DLG2: variants seen among roughly 807,000 people sequenced by gnomAD.
DLG2 encodes discs large MAGUK scaffold protein 2, also known as disks large homolog 2.
DLG2 carries 45 observed loss-of-function variants against 132.5 expected under a neutral mutation model. That is an observed-to-expected ratio of 0.34 (90% CI 0.27 to 0.44). DLG2 has a LOEUF of 0.44. Ranked by LOEUF, DLG2 falls within the 20% of genes least tolerant of loss-of-function variation. The pLI, the probability that DLG2 is intolerant of heterozygous loss-of-function variation, is 1.00. For missense variants in DLG2, 1,045 were observed against 1,196.9 expected (o/e 0.87, Z 1.87); for synonymous variants, 424 against 419.6 (o/e 1.01, Z -0.13).
At chr11:85,554,913 G>A (rs2076851971) in intron 3 of DLG2, among the ~76,000 whole-genome samples, 1 of 151,518 alleles carries the variant, frequency 6.6e-6, no homozygotes, top group South Asian at 2.1e-4. Flanking sequence ...CCCAGAGGCT[G>A]ACAGTGCACA....
intron 18 of DLG2, among the ~76,000 whole-genome samples, chr11:83,718,004 C>T (rs1280827986): frequency 6.6e-6 from 1 of 152,194 alleles, no homozygotes; most frequent in Non-Finnish European, 1.5e-5. Flanking sequence ...GGAGTAAAGA[C>T]GGCTTTACCT....
At chr11:83,875,461 T>C (rs11233771) in intron 15 of DLG2, among the ~76,000 whole-genome samples, 1 of 151,928 alleles carries the variant, frequency 6.6e-6, no homozygotes, top group Non-Finnish European at 1.5e-5. Context: ...GAAATGGCAT[T>C]GAGACTGTTT....
At chr11:84,709,288 C>T (rs1320418779) in intron 6 of DLG2, among the ~76,000 whole-genome samples, 1 of 151,862 alleles carries the variant, frequency 6.6e-6, no homozygotes, top group African/African-American at 2.4e-5. Context: ...TAACTCTTTT[C>T]TTTCTCACTC....
intron 3 of DLG2, among the ~76,000 whole-genome samples, chr11:85,354,853 TAGAAC>T (rs2083571167): frequency 6.6e-6 from 1 of 151,842 alleles, no homozygotes; most frequent in African/African-American, 2.4e-5. Flanking sequence ...ACATATATCT[TAGAAC>T]AGAGGAACAG....
chr11:85,256,665 G>A (rs530460977), intron 4 of DLG2, among the ~76,000 whole-genome samples: 1 of 152,180 alleles, frequency 6.6e-6, no homozygotes, highest in African/African-American at 2.4e-5. Flanking sequence ...CTCCTGTAAG[G>A]GGGTTTGAGC....
upstream of DLG2, among the ~76,000 whole-genome samples, chr11:85,628,231 T>A (rs752867951): frequency 2.0e-5 from 3 of 151,976 alleles, no homozygotes; most frequent in Non-Finnish European, 4.4e-5. Flanking sequence ...CCTCAAGGAC[T>A]GAAAGGGGCA....
intron 6 of DLG2, among the ~76,000 whole-genome samples, chr11:85,069,964 T>C (rs2065557476): frequency 6.6e-6 from 1 of 152,020 alleles, no homozygotes; most frequent in African/African-American, 2.4e-5. Flanking sequence ...CATGGAATAC[T>C]ATGCAGCCAT....
At chr11:83,793,289 A>G (rs1408589250) in intron 17 of DLG2, among the ~76,000 whole-genome samples, 1 of 152,162 alleles carries the variant, frequency 6.6e-6, no homozygotes, top group Non-Finnish European at 1.5e-5. Context: ...TTAAACATTT[A>G]GTGAAGTCTT....
chr11:83,925,156 G>A (rs1055716847), intron 15 of DLG2, among the ~76,000 whole-genome samples: 9 of 152,028 alleles, frequency 5.9e-5, no homozygotes, highest in East Asian at 1.9e-4. Flanking sequence ...ACAGAGTAGC[G>A]TTTCAGATAC....
At chr11:85,540,118 G>A (rs901630916) in intron 3 of DLG2, among the ~76,000 whole-genome samples, 3 of 152,186 alleles carry the variant, frequency 2.0e-5, no homozygotes, top group Admixed American at 2.0e-4. Flanking sequence ...GGGGGGTGGT[G>A]CAGGAAGGGA....
chr11:83,804,910 C>A (rs75106190), intron 17 of DLG2, among the ~76,000 whole-genome samples: 55 of 152,146 alleles, frequency 3.6e-4, no homozygotes, highest in African/African-American at 1.3e-3. Flanking sequence ...TAGTCTTGAA[C>A]ATTACCTACA....
chr11:85,438,540 A>C (rs2091610332), intron 3 of DLG2, among the ~76,000 whole-genome samples: 1 of 152,318 alleles, frequency 6.6e-6, no homozygotes, highest in Admixed American at 6.5e-5. Context: ...ATATACAGAG[A>C]TATCTTATAC....
intron 6 of DLG2, among the ~76,000 whole-genome samples, chr11:84,565,512 G>A (rs2099449881): frequency 1.3e-5 from 2 of 152,254 alleles, no homozygotes. Flanking sequence ...CACTATAGAT[G>A]CCCCTGAATG....
chr11:84,802,278 G>A (rs547642078), intron 6 of DLG2, among the ~76,000 whole-genome samples: 1 of 152,082 alleles, frequency 6.6e-6, no homozygotes, highest in South Asian at 2.1e-4. Flanking sequence ...AGGAATAATA[G>A]GAAAGATGGA....
Position 84,098,856 on chromosome 11 carries a change from G to T in DLG2, c.749+67C>A, listed in dbSNP as rs1045241301. On this transcript the variant is annotated intron_variant, in intron 10 of 27. Coordinates refer to ENST00000376104, the MANE Select transcript of DLG2 (RefSeq NM_001142699.3). ...TTTGTAGAATTATTATTCTTCAAAG[G>T]TACAAATGTGTCTCATTGATGCAGC... The T allele has an allele frequency of 3.9e-6, 6 of 1,538,486 alleles. No homozygotes were observed. In the African/African-American group the frequency reaches 6.8e-5, roughly 18 times the overall value.
intron 6 of DLG2, among the ~76,000 whole-genome samples, chr11:84,645,225 C>T (rs976947635): frequency 7.9e-5 from 12 of 152,122 alleles, no homozygotes; most frequent in Non-Finnish European, 1.3e-4. Flanking sequence ...AACTATTGAA[C>T]GTCTCTGAAC....
At position 83,775,952 on chromosome 11, in the gene DLG2, T is replaced by C. The variant is rs557193161; in HGVS notation, c.1825+10738A>G. Among the ~76,000 whole-genome samples the C allele has an allele frequency of 5.3e-5, 8 of 151,954 alleles. No individual in the cohort carries two copies. The East Asian group carries it at 1.2e-3, about 22-fold the overall frequency. On this transcript the variant is annotated intron_variant, in intron 18 of 27. Coordinates refer to ENST00000376104, the MANE Select transcript of DLG2 (RefSeq NM_001142699.3). ...CTAAAAATACAAAAAATTAGCCAGGTGTGGTGGCAGGAGCCTGTAGTCCCA... is the reference window on the plus strand; with the variant it reads ...CTAAAAATACAAAAAATTAGCCAGGCGTGGTGGCAGGAGCCTGTAGTCCCA...
chr11:84,511,094 A>C (rs2154513979), intron 7 of DLG2, among the ~76,000 whole-genome samples: 1 of 152,258 alleles, frequency 6.6e-6, no homozygotes, highest in East Asian at 1.9e-4. Flanking sequence ...GGATGAGAAA[A>C]ATAGATAATA....
intron 6 of DLG2, among the ~76,000 whole-genome samples, chr11:84,848,697 T>C (rs1480158430): frequency 6.6e-6 from 1 of 152,152 alleles, no homozygotes; most frequent in Non-Finnish European, 1.5e-5. Flanking sequence ...TGATAAGATC[T>C]TGGACTTTAA....
Sources: allele counts gnomAD v4.1 joint callset (sites outside exome capture counted in the v4.1 genomes callset), GRCh38; gene constraint gnomAD v4.1.1; transcripts MANE v1.5; gene names NCBI Gene and HGNC (gene_info 2026-07-23, HGNC 2026-07-21).